The following HERC4 variants were observed in gnomAD, a reference collection of about 807,000 sequenced individuals.
HERC4 encodes HECT and RLD domain containing E3 ubiquitin protein ligase 4.
Under a neutral mutation model 124.3 loss-of-function variants are expected in HERC4, and 28 were observed. The ratio of observed to expected loss-of-function variants is 0.23; its 90% CI spans 0.17 to 0.31. The LOEUF is 0.31. Among genes scored for constraint, HERC4 ranks in the 10% least tolerant of loss-of-function variants. The pLI is 1.00. For missense variants in HERC4, 713 were observed against 1,229.3 expected (o/e 0.58, Z 6.28); for synonymous variants, 407 against 421.5 (o/e 0.97, Z 0.42).
intron 3 of HERC4, chr10:68,068,496 A>G (rs1305412425): frequency 6.3e-6 from 1 of 158,926 alleles, no homozygotes; most frequent in Admixed American, 6.5e-5. Context: ...CAAAAAAAAA[A>G]AAAAAAAAAA....
rs1027158230 is a variant in HERC4, at chr10:67,932,684, T to A, written c.2751A>T (p.Gly917=). 2 of 1,604,334 alleles carry A rather than the reference T, an allele frequency of 1.2e-6. No individual in the cohort carries two copies. The highest frequency in any genetic ancestry group is 8.5e-7 in the Non-Finnish European group (1 of 1,177,900). Residue 917 remains glycine, a synonymous_variant, in exon 23 of 25, where the codon GGA becomes GGT. Transcript: ENST00000373700. ...GCTGAAAGAGCAGAAGGACTTTTCC[T>A]CCACAGACCTTATGAAAGCCCGCAT... ...AFHAGFHKVC[G]GKVLLLFQPN...
intron 8 of HERC4, among the ~76,000 whole-genome samples, chr10:68,020,761 T>C (rs537042055): frequency 2.2e-5 from 3 of 135,186 alleles, no homozygotes; most frequent in Non-Finnish European, 4.6e-5. Context: ...AGAGCGAGAC[T>C]CCGTCTCAAA....
In HERC4 at chr10:67,992,695, T is replaced by C. The variant is rs1452666411; in HGVS notation, c.1070-13A>G. 2 of 1,362,048 alleles carry C rather than the reference T, an allele frequency of 1.5e-6. No homozygotes were observed. Among genetic ancestry groups the C allele is most frequent in the Non-Finnish European group, 1.0e-6 (1 of 980,868 alleles). 84.4% of individuals were successfully genotyped at this position (1,362,048 alleles called of 1,614,324 possible). On this transcript the variant is annotated splice_polypyrimidine_tract_variant and intron_variant, in intron 9 of 24. Coordinates refer to ENST00000373700, the MANE Select transcript of HERC4 (RefSeq NM_015601.4). ...TATTCTTCAGAATCTGTAATAAAAA[T>C]GTAAAAAATTAAAAGCCAAGATTTA...
intron 9 of HERC4, among the ~76,000 whole-genome samples, chr10:68,000,074 T>C (rs1381968781): frequency 6.6e-6 from 1 of 152,056 alleles, no homozygotes; most frequent in African/African-American, 2.4e-5. Flanking sequence ...CTCAGGCTGG[T>C]CTTGGACTCC....
At chr10:67,995,209 TC>T (rs2132835398) in intron 9 of HERC4, 2 of 450,066 alleles carry the variant, frequency 4.4e-6, no homozygotes, top group Admixed American at 4.8e-5. Context: ...GGAGAGTAGT[TC>T]CATCAGGAAA....
chr10:67,978,379 C>T (rs1322038258), intron 15 of HERC4, among the ~76,000 whole-genome samples: 4 of 152,256 alleles, frequency 2.6e-5, no homozygotes, highest in African/African-American at 4.8e-5. Flanking sequence ...TGGGGTGTTC[C>T]TCTGCCTTTG....
Position 67,990,927 on chromosome 10 carries a change from C to A in HERC4, c.1420G>T (p.Asp474Tyr). ...RLLFHKLIQP[D>Y]HPQISQQVAA... ...ACCTGCTGAGATATCTGCGGATGAT[C>A]AGGTTGTATAAGTTTGTGGAATAAA... The change falls in exon 13 of 25, where the codon GAT becomes TAT. Residue 474 changes from aspartate (D) to tyrosine (Y), a missense_variant. By Grantham distance (160) the Asp-to-Tyr change is radical (BLOSUM62 -3). Coordinates refer to ENST00000373700, the MANE Select transcript of HERC4 (RefSeq NM_015601.4). The A allele has an allele frequency of 1.9e-6, 3 of 1,600,952 alleles. No homozygotes were observed. Among genetic ancestry groups the A allele is most frequent in the Non-Finnish European group, 2.6e-6 (3 of 1,172,486 alleles).
At chr10:67,973,689 C>T (rs970393908) in intron 15 of HERC4, among the ~76,000 whole-genome samples, 2 of 152,146 alleles carry the variant, frequency 1.3e-5, no homozygotes, top group East Asian at 3.9e-4. Context: ...TGGCAGCTAA[C>T]GGATATGGAA....
intron 3 of HERC4, among the ~76,000 whole-genome samples, chr10:68,050,679 AT>A (rs2040251160): frequency 2.0e-5 from 3 of 152,100 alleles, no homozygotes; most frequent in Admixed American, 2.0e-4. Context: ...AAAGTTATCT[AT>A]TTTTTTCCAA....
intron 8 of HERC4, 29 bp downstream of exon 8, chr10:68,025,517 C>A (rs778141344): frequency 1.3e-6 from 2 of 1,595,718 alleles, no homozygotes; most frequent in South Asian, 1.1e-5. Flanking sequence ...AGTTTAGAGA[C>A]CAAAATGCTC....
intron 19 of HERC4, among the ~76,000 whole-genome samples, chr10:67,947,967 G>A (rs2033508923): frequency 7.7e-6 from 1 of 130,042 alleles, no homozygotes; most frequent in Non-Finnish European, 1.7e-5. Context: ...GGGATTACAG[G>A]CATGAGCCAC....
chr10:67,978,348 G>A (rs144467991), intron 15 of HERC4, among the ~76,000 whole-genome samples: 223 of 152,360 alleles, frequency 1.5e-3, no homozygotes, highest in Non-Finnish European at 2.8e-3. Context: ...GGCCCCTGGT[G>A]ACAGTGGCCA....
chr10:67,939,256 G>A (rs1456435411), intron 21 of HERC4, among the ~76,000 whole-genome samples: 2 of 152,140 alleles, frequency 1.3e-5, no homozygotes, highest in Non-Finnish European at 2.9e-5. Flanking sequence ...GGGTAAAGAG[G>A]ATGTCTTGTA....
In HERC4 at chr10:67,927,330, T is replaced by G. The variant is rs1311990031; in HGVS notation, c.2839-2143A>C. Among the ~76,000 whole-genome samples, 26 of 141,572 alleles carry G rather than the reference T, an allele frequency of 1.8e-4. No individual in the cohort carries two copies. In the Admixed American group the frequency reaches 1.9e-3, roughly 10 times the overall value. The allele number at this position is 141,572 out of a possible 152,430, so 92.9% of individuals were successfully genotyped here. On this transcript the variant is annotated intron_variant, in intron 23 of 24. Coordinates refer to ENST00000373700, the MANE Select transcript of HERC4 (RefSeq NM_015601.4). Reference sequence around the variant, plus strand: ...CAAATCATAATCACTAAAATTGTAATGAATCAGATATACAACAGAAGAAAT... The same window carrying G: ...CAAATCATAATCACTAAAATTGTAAGGAATCAGATATACAACAGAAGAAAT...
chr10:67,991,097 A>G, intron 12 of HERC4, 43 bp downstream of exon 12: 1 of 1,424,332 alleles, frequency 7.0e-7, no homozygotes, highest in South Asian at 1.6e-5. Flanking sequence ...TATTTAAGAC[A>G]ATAAATTTGA....
At chr10:68,041,137 C>T (rs2039746949) in intron 4 of HERC4, among the ~76,000 whole-genome samples, 1 of 107,616 alleles carries the variant, frequency 9.3e-6, no homozygotes, top group South Asian at 3.0e-4. Flanking sequence ...AGACAAAATT[C>T]CAACCACTAA....
chr10:67,996,606 C>A (rs74636031), intron 9 of HERC4, among the ~76,000 whole-genome samples: 4,431 of 152,068 alleles, frequency 0.029, 226 homozygotes, highest in African/African-American at 0.1. Context: ...AATTGAGAAA[C>A]TTAAAAAATA....
At chr10:67,936,034 C>T (rs1410927688) in intron 22 of HERC4, 119 bp downstream of exon 22, 4 of 572,622 alleles carry the variant, frequency 7.0e-6, no homozygotes, top group African/African-American at 1.9e-5. Flanking sequence ...CCTCACTAAC[C>T]ACTCAAAATT....
In HERC4 at chr10:68,059,778, TATA is replaced by T. The variant is rs1264222375; in HGVS notation, c.226+13102_226+13104del. 1.9e-3 allele frequency among the ~76,000 whole-genome samples: 139 copies of T among 73,576 alleles called. 21 individuals are homozygous for T. The highest frequency in any genetic ancestry group is 1.8e-3 in the Non-Finnish European group (83 of 45,658). The allele number at this position is 73,576 out of a possible 152,430, so 48.3% of individuals were successfully genotyped here. A position where few individuals can be genotyped will look rare whatever the true frequency, so the allele number is the denominator to read the frequency against. ...TATTATATATCATAATATTATATAT[TATA>T]ATATTATATATCATAATATTATATA... On this transcript the variant is annotated intron_variant, in intron 3 of 24. Transcript: ENST00000373700.
Sources: gnomAD v4.1 joint callset for allele counts (sites outside exome capture counted in the v4.1 genomes callset) on GRCh38, gnomAD v4.1.1 for gene constraint, MANE v1.5 for transcripts, NCBI Gene and HGNC (gene_info 2026-07-23, HGNC 2026-07-21) for gene names.